The following GNS variants were observed in gnomAD, a reference collection of about 807,000 sequenced individuals.
GNS encodes the protein N-acetylglucosamine-6-sulfatase.
GNS carries 40 observed loss-of-function variants against 69.7 expected under a neutral mutation model. The ratio of observed to expected loss-of-function variants is 0.57; its 90% CI spans 0.45 to 0.75. The LOEUF (loss-of-function observed/expected upper bound fraction) is 0.75. GNS is among the 30% of genes least tolerant of loss of function. The pLI is 0.00. For synonymous variants in GNS, 243 were observed against 251.6 expected (o/e 0.97, Z 0.32); for missense variants, 565 against 685.5 (o/e 0.82, Z 1.96).
In GNS at chr12:64,728,945, G is replaced by T. The variant is rs775301317; in HGVS notation, c.1200+11C>A. On this transcript the variant is annotated intron_variant, in intron 10 of 13. Transcript: ENST00000258145. ...TCTTGGCTCAGGCCTGATTGAGGGC[G>T]CTATACTTACCAAAATGGGCAATAA... 5.5e-6 allele frequency: 7 copies of T among 1,269,634 alleles called. No individual in the cohort carries two copies. In the Admixed American group the frequency reaches 8.4e-5, roughly 15 times the overall value. The allele number at this position is 1,269,634 out of a possible 1,614,324, so 78.6% of individuals were successfully genotyped here.
chr12:64,729,515 C>CT (rs1474590822), intron 9 of GNS, among the ~76,000 whole-genome samples: 1 of 152,220 alleles, frequency 6.6e-6, no homozygotes, highest in Non-Finnish European at 1.5e-5. Context: ...ATTATTAGCT[C>CT]TTTTTATAGC....
rs1316938671 is a variant in GNS, at chr12:64,715,341, ACT to A, written c.*1398_*1399del. On this transcript the variant is annotated 3_prime_UTR_variant, in exon 14 of 14. Coordinates refer to ENST00000258145, the MANE Select transcript of GNS (RefSeq NM_002076.4). ...AGACCAGCCTGGCCAACATGGTGAA[ACT>A]CTGTCTCTACTAAAAATACAAAAAA... 6.6e-6 allele frequency: 1 copy of A among 151,984 alleles called. No individual in the cohort carries two copies. Among genetic ancestry groups the A allele is most frequent in the Non-Finnish European group, 1.5e-5 (1 of 68,032 alleles). 9.4% of individuals were successfully genotyped at this position (151,984 alleles called of 1,614,324 possible).
intron 1 of GNS, among the ~76,000 whole-genome samples, chr12:64,753,776 CA>C (rs1870155053): frequency 6.6e-6 from 1 of 151,950 alleles, no homozygotes; most frequent in Non-Finnish European, 1.5e-5. Flanking sequence ...CTAACTTATC[CA>C]AAAAAAGCTC....
At chr12:64,745,021 T>C in intron 4 of GNS, 114 bp from the exon 5 acceptor site, 1 of 687,794 alleles carries the variant, frequency 1.5e-6, no homozygotes, top group Non-Finnish European at 2.7e-6. Flanking sequence ...AAAAAGATAA[T>C]TACTCAAGTC....
At chr12:64,740,902 G>A (rs994627471) in intron 6 of GNS, among the ~76,000 whole-genome samples, 8 of 152,080 alleles carry the variant, frequency 5.3e-5, no homozygotes, top group African/African-American at 1.9e-4. Flanking sequence ...TCATTCTTCA[G>A]CTTCCCAGCA....
intron 1 of GNS, among the ~76,000 whole-genome samples, chr12:64,755,414 C>A (rs1206527297): frequency 6.6e-6 from 1 of 151,678 alleles, no homozygotes; most frequent in Non-Finnish European, 1.5e-5. Flanking sequence ...CCCGTCTCTA[C>A]TAGAAATACA....
chr12:64,735,370 C>T (rs886738084), intron 9 of GNS, among the ~76,000 whole-genome samples: 15 of 152,134 alleles, frequency 9.9e-5, no homozygotes, highest in Non-Finnish European at 2.1e-4. Flanking sequence ...GATAACAGTA[C>T]CTCTATCTCA....
chr12:64,714,923 T>G lies in GNS; in HGVS notation c.*1818A>C, dbSNP rs2136234612. ...AGAGGTGTCCATTTCACTTGCCTGT[T>G]TCACCTCTAGATACCACCACAGTTG... On this transcript the variant is annotated 3_prime_UTR_variant, in exon 14 of 14. Coordinates refer to ENST00000258145, the MANE Select transcript of GNS (RefSeq NM_002076.4). 6.5e-6 allele frequency: 1 copy of G among 152,784 alleles called. No homozygotes were observed. The highest frequency in any genetic ancestry group is 2.1e-4 in the South Asian group (1 of 4,828). 9.5% of individuals were successfully genotyped at this position (152,784 alleles called of 1,614,324 possible).
In GNS at chr12:64,715,828, C is replaced by T. The variant is rs1868842752; in HGVS notation, c.*913G>A. The T allele has an allele frequency of 6.6e-6, 1 of 152,254 alleles. No individual in the cohort carries two copies. The highest frequency in any genetic ancestry group is 1.5e-5 in the Non-Finnish European group (1 of 68,060). The allele number at this position is 152,254 out of a possible 1,614,324, so 9.4% of individuals were successfully genotyped here. A position where few individuals can be genotyped will look rare whatever the true frequency, so the allele number is the denominator to read the frequency against. ...CTTTATCCCTGGTACAGCCCTTCCA[C>T]TTGTCTGTTCAAGAGCCCTGTCTTC... On this transcript the variant is annotated 3_prime_UTR_variant, in exon 14 of 14. Coordinates refer to ENST00000258145, the MANE Select transcript of GNS (RefSeq NM_002076.4).
At chr12:64,757,228 G>A (rs547005603) in intron 1 of GNS, among the ~76,000 whole-genome samples, 7 of 152,186 alleles carry the variant, frequency 4.6e-5, no homozygotes, top group African/African-American at 1.7e-4. Flanking sequence ...ACATACTAAA[G>A]AGACCTCAAA....
intron 13 of GNS, among the ~76,000 whole-genome samples, chr12:64,719,813 C>G (rs1276791215): frequency 6.6e-6 from 1 of 152,120 alleles, no homozygotes; most frequent in Non-Finnish European, 1.5e-5. Flanking sequence ...AGGGCTGTAC[C>G]TCTGGCTAAA....
intron 1 of GNS, among the ~76,000 whole-genome samples, chr12:64,756,485 T>C (rs987173099): frequency 3.3e-5 from 5 of 152,192 alleles, no homozygotes; most frequent in African/African-American, 9.7e-5. Flanking sequence ...TATTCTAGAA[T>C]AGGAGAAAAA....
chr12:64,756,150 A>G (rs1368744445), intron 1 of GNS, among the ~76,000 whole-genome samples: 1 of 152,236 alleles, frequency 6.6e-6, no homozygotes, highest in East Asian at 1.9e-4. Flanking sequence ...CGATGCTACT[A>G]TATAAAAGAG....
rs1017560577 is a variant in GNS at position 64,759,397 on chromosome 12, G to T, written c.-121C>A. Reference sequence around the variant, plus strand: ...AGCCGTGCCTTGAAGGCCGGTGGCTGGAGTCAGACGTTTTCTCCCTAGGCG... The same window carrying T: ...AGCCGTGCCTTGAAGGCCGGTGGCTTGAGTCAGACGTTTTCTCCCTAGGCG... On this transcript the variant is annotated 5_prime_UTR_variant, in exon 1 of 14. Transcript: ENST00000258145. 11 of 668,234 alleles carry T rather than the reference G, an allele frequency of 1.6e-5. No individual in the cohort carries two copies. Among genetic ancestry groups the T allele is most frequent in the Non-Finnish European group, 2.7e-5 (11 of 400,980 alleles). The allele number at this position is 668,234 out of a possible 1,614,324, so 41.4% of individuals were successfully genotyped here.
rs1869033080 is a variant in GNS at position 64,721,714 on chromosome 12, A to G, written c.1309-9T>C. 4 of 1,325,648 alleles carry G rather than the reference A, an allele frequency of 3.0e-6. No homozygotes were observed. Among genetic ancestry groups the G allele is most frequent in the South Asian group, 1.2e-5 (1 of 85,366 alleles). 82.1% of individuals were successfully genotyped at this position (1,325,648 alleles called of 1,614,324 possible). ...CAGTCTGGGAAGCATTGCTGTAGGG[A>G]TATTTCAAAAGTTAAATGAAGACAG... On this transcript the variant is annotated splice_polypyrimidine_tract_variant and intron_variant, in intron 11 of 13. Transcript: ENST00000258145.
intron 10 of GNS, among the ~76,000 whole-genome samples, chr12:64,726,566 C>T (rs570704305): frequency 1.3e-5 from 2 of 152,270 alleles, no homozygotes; most frequent in Admixed American, 6.5e-5. Context: ...GTGATCTCTG[C>T]TCACTACAAC....
rs143574993 is a variant in GNS at position 64,757,911 on chromosome 12, C to T, written c.192+1174G>A. Among the ~76,000 whole-genome samples the T allele has an allele frequency of 2.3e-3, 356 of 152,316 alleles. 1 individual carries two copies. The highest frequency in any genetic ancestry group is 3.7e-3 in the Non-Finnish European group (254 of 68,030). ...TGCCTGGAGTATTTCATAGTCTCAG[C>T]ATTCAGCTGAAAGCAAAAAGAGAAC... is the stretch of plus-strand genomic sequence containing the variant. On this transcript the variant is annotated intron_variant, in intron 1 of 13. Transcript: ENST00000258145.
intron 1 of GNS, chr12:64,756,610 T>C: frequency 1.5e-6 from 1 of 687,526 alleles, no homozygotes; most frequent in Non-Finnish European, 2.6e-6. Flanking sequence ...ATAAGGATAC[T>C]ATGTACAGCA....
At chr12:64,717,568 G>T (rs1313396498) in intron 13 of GNS, among the ~76,000 whole-genome samples, 3 of 133,040 alleles carry the variant, frequency 2.3e-5, no homozygotes, top group African/African-American at 9.0e-5. Context: ...TCACCATGTT[G>T]CCCAGGCTGG....
Sources: gnomAD v4.1 joint callset for allele counts (sites outside exome capture counted in the v4.1 genomes callset) on GRCh38, gnomAD v4.1.1 for gene constraint, MANE v1.5 for transcripts, NCBI Gene and HGNC (gene_info 2026-07-23, HGNC 2026-07-21) for gene names.